Variants in CHCHD6 observed in about 807,000 individuals in gnomAD.
The protein encoded by CHCHD6 is MICOS complex subunit MIC25.
A neutral mutation model predicts 32.3 loss-of-function variants in CHCHD6; 28 were observed. The observed-to-expected ratio is 0.87, with a 90% CI of 0.64 to 1.19. CHCHD6 has a LOEUF of 1.19. CHCHD6 is among the 50% of genes most tolerant of loss of function. CHCHD6 has a pLI of 0.00. For missense variants in CHCHD6, 333 were observed against 307.0 expected (o/e 1.08, Z -0.63); for synonymous variants, 122 against 117.5 (o/e 1.04, Z -0.25).
intron 5 of CHCHD6, among the ~76,000 whole-genome samples, chr3:126,863,443 TCCTCCTCCCCCACTGTCACCA>T (rs1942048120): frequency 1.8e-5 from 2 of 110,292 alleles, no homozygotes; most frequent in African/African-American, 6.9e-5. Context: ...CACCATCACC[TCCTCCTCCCCCACTGTCACCA>T]CCTCCTCCAC....
chr3:126,894,117 A>G (rs1257609995), intron 5 of CHCHD6, among the ~76,000 whole-genome samples: 1 of 152,250 alleles, frequency 6.6e-6, no homozygotes, highest in African/African-American at 2.4e-5. Flanking sequence ...CAGCTGCATC[A>G]TGGTAACACC....
intron 4 of CHCHD6, among the ~76,000 whole-genome samples, chr3:126,747,870 A>G (rs1159609980): frequency 6.6e-6 from 1 of 152,110 alleles, no homozygotes; most frequent in Non-Finnish European, 1.5e-5. Context: ...GGGCCGCTAG[A>G]GGCTGGATGG....
intron 4 of CHCHD6, among the ~76,000 whole-genome samples, chr3:126,833,281 T>C (rs756962032): frequency 1.2e-4 from 19 of 152,220 alleles, no homozygotes; most frequent in Non-Finnish European, 2.6e-4. Context: ...TTTCATATAC[T>C]GTGACTGGCT....
intron 4 of CHCHD6, among the ~76,000 whole-genome samples, chr3:126,771,285 A>G (rs180893906): frequency 2.7e-5 from 4 of 149,718 alleles, no homozygotes; most frequent in African/African-American, 9.8e-5. Context: ...GCTCACTGCA[A>G]CCTCCGCCTC....
intron 4 of CHCHD6, among the ~76,000 whole-genome samples, chr3:126,836,494 A>G (rs1347423327): frequency 1.3e-5 from 2 of 152,070 alleles, no homozygotes; most frequent in Non-Finnish European, 2.9e-5. Flanking sequence ...ATCTGACACC[A>G]CATTCACTCA....
At chr3:126,809,058 A>G (rs1295854464) in intron 4 of CHCHD6, among the ~76,000 whole-genome samples, 2 of 150,634 alleles carry the variant, frequency 1.3e-5, no homozygotes, top group African/African-American at 2.5e-5. Context: ...TGCAGCCTCC[A>G]CCTCCCAGGT....
rs764619135 is a variant in CHCHD6 at position 126,886,894 on chromosome 3, C to T, written c.496-27786C>T. ...GCAACACAGTGTGACCCCACCCCAT[C>T]AGAAGCCCCAGCTTCCCTTCCACCC... On this transcript the variant is annotated intron_variant, in intron 5 of 7. Transcript: ENST00000290913. 1.8e-4 allele frequency among the ~76,000 whole-genome samples: 28 copies of T among 152,320 alleles called. No homozygotes were observed. The Middle Eastern group carries it at 0.01, about 56-fold the overall frequency.
intron 4 of CHCHD6, among the ~76,000 whole-genome samples, chr3:126,757,167 A>C (rs895128825): frequency 1.3e-5 from 2 of 152,228 alleles, no homozygotes; most frequent in Non-Finnish European, 2.9e-5. Flanking sequence ...TGCTGACATG[A>C]CACTCAAAGG....
chr3:126,914,294 A>G (rs749784090), intron 5 of CHCHD6, among the ~76,000 whole-genome samples: 1 of 152,216 alleles, frequency 6.6e-6, no homozygotes, highest in Non-Finnish European at 1.5e-5. Flanking sequence ...TTTGTAGGTC[A>G]TGTAGTCTCT....
Position 126,792,231 on chromosome 3 carries a change from TATATATTCTAATATAGAATATATATTCTA to T in CHCHD6, c.411+59015_411+59043del, listed in dbSNP as rs536307802. Reference sequence around the variant, plus strand: ...TGCTTTCAGGAATATATACTTAGAATATATATTCTAATATAGAATATATATTCTAATATAGAATATATTAGAATATATAT... The same window carrying T: ...TGCTTTCAGGAATATATACTTAGAATATATAGAATATATTAGAATATATAT... On this transcript the variant is annotated intron_variant, in intron 4 of 7. Transcript: ENST00000290913. Among the ~76,000 whole-genome samples the T allele has an allele frequency of 8.4e-4, 125 of 148,706 alleles. 1 individual carries two copies. The highest frequency in any genetic ancestry group is 3.1e-3 in the African/African-American group (125 of 40,054).
chr3:126,758,372 A>G (rs943475592), intron 4 of CHCHD6, among the ~76,000 whole-genome samples: 1 of 152,198 alleles, frequency 6.6e-6, no homozygotes, highest in Non-Finnish European at 1.5e-5. Flanking sequence ...ATTACAAATC[A>G]CAGTGGTGTT....
At chr3:126,809,321 T>C (rs549334979) in intron 4 of CHCHD6, among the ~76,000 whole-genome samples, 69 of 152,328 alleles carry the variant, frequency 4.5e-4, no homozygotes, top group African/African-American at 1.6e-3. Flanking sequence ...TGGTAGCCAC[T>C]GCTTAGGTTG....
chr3:126,911,272 G>T (rs2078086773), intron 5 of CHCHD6, among the ~76,000 whole-genome samples: 1 of 152,194 alleles, frequency 6.6e-6, no homozygotes, highest in South Asian at 2.1e-4. Flanking sequence ...GCACTTGGCG[G>T]GTTCTCAGTG....
intron 4 of CHCHD6, among the ~76,000 whole-genome samples, chr3:126,804,440 C>T (rs143554505): frequency 0.033 from 5,057 of 152,228 alleles, 275 homozygotes; most frequent in African/African-American, 0.11. Flanking sequence ...AACACCTCTA[C>T]GCAAGTAAAC....
chr3:126,899,223 T>C (rs1366432029), intron 5 of CHCHD6, among the ~76,000 whole-genome samples: 2 of 152,240 alleles, frequency 1.3e-5, no homozygotes, highest in Non-Finnish European at 2.9e-5. Flanking sequence ...AATTACTTTA[T>C]TGGAAAAATG....
chr3:126,865,812 A>C, intron 5 of CHCHD6: 270 of 876,252 alleles, frequency 3.1e-4, no homozygotes, highest in South Asian at 3.7e-4. Flanking sequence ...CATATATCTC[A>C]CACTAATCTC....
chr3:126,880,723 T>C (rs2077597151), intron 5 of CHCHD6, among the ~76,000 whole-genome samples: 1 of 152,164 alleles, frequency 6.6e-6, no homozygotes, highest in Admixed American at 6.5e-5. Flanking sequence ...GCAAGAGGCA[T>C]GTAAAAAGTA....
At chr3:126,920,392 T>C (rs2078230545) in intron 6 of CHCHD6, among the ~76,000 whole-genome samples, 1 of 152,124 alleles carries the variant, frequency 6.6e-6, no homozygotes, top group Non-Finnish European at 1.5e-5. Flanking sequence ...TGCCAGAAAT[T>C]GTCTGGAAAG....
chr3:126,922,265 G>A (rs2078261606), intron 6 of CHCHD6, among the ~76,000 whole-genome samples: 1 of 152,160 alleles, frequency 6.6e-6, no homozygotes, highest in South Asian at 2.1e-4. Flanking sequence ...AAGCTCAGCT[G>A]GCAGATGCCA....
Sources: allele counts gnomAD v4.1 joint callset (sites outside exome capture counted in the v4.1 genomes callset), GRCh38; gene constraint gnomAD v4.1.1; transcripts MANE v1.5; gene names NCBI Gene and HGNC (gene_info 2026-07-23, HGNC 2026-07-21).